Variants in CERS3 observed in about 807,000 individuals in gnomAD.
CERS3 encodes LAG1 homolog, ceramide synthase 3.
In CERS3, 33 loss-of-function variants were observed where a neutral mutation model predicts 50.3. The observed-to-expected ratio is 0.66, with a 90% confidence interval of 0.50 to 0.88. CERS3 has a LOEUF of 0.88. CERS3 is among the 40% of genes least tolerant of loss of function. CERS3 has a pLI of 0.00. For missense variants in CERS3, 470 were observed against 460.3 expected (o/e 1.02, Z -0.19); for synonymous variants, 176 against 155.2 (o/e 1.13, Z -0.99).
intron 3 of CERS3, among the ~76,000 whole-genome samples, chr15:100,497,426 T>A (rs72759154): frequency 0.052 from 7,962 of 152,104 alleles, 293 homozygotes; most frequent in Admixed American, 0.11. Context: ...TCCAACCTAG[T>A]AGCTGGAAAA....
chr15:100,420,057 C>T (rs2032293339), intron 11 of CERS3, among the ~76,000 whole-genome samples: 2 of 141,688 alleles, frequency 1.4e-5, no homozygotes, highest in Admixed American at 7.2e-5. Flanking sequence ...CAAAAGCTAG[C>T]AGAAGGCAAG....
intron 11 of CERS3, among the ~76,000 whole-genome samples, chr15:100,439,872 C>T (rs1418369099): frequency 6.6e-6 from 1 of 152,202 alleles, no homozygotes; most frequent in Non-Finnish European, 1.5e-5. Flanking sequence ...CAATTGGAAA[C>T]AGCTTCTCCA....
At chr15:100,449,250 C>A (rs1180117675) in intron 11 of CERS3, among the ~76,000 whole-genome samples, 1 of 152,256 alleles carries the variant, frequency 6.6e-6, no homozygotes, top group Non-Finnish European at 1.5e-5. Context: ...CACATGCAAC[C>A]TGCAGGCCTG....
rs1442729297 is a variant in CERS3, at chr15:100,484,541, C to A, written c.407+9G>T. 6.3e-7 allele frequency: 1 copy of A among 1,580,348 alleles called. No individual in the cohort carries two copies. The highest frequency in any genetic ancestry group is 8.7e-7 in the Non-Finnish European group (1 of 1,149,190). On this transcript the variant is annotated intron_variant, in intron 5 of 11. Coordinates refer to ENST00000679737, the MANE Select transcript of CERS3 (RefSeq NM_001378789.1). The stretch of plus-strand genomic sequence containing the variant: ...GCAGCATTCCTAAAGCTTGGCCCAT[C>A]CTCCTTACCAAGCTTCCTGGAATTT...
intron 11 of CERS3, among the ~76,000 whole-genome samples, chr15:100,450,517 G>GA (rs1460381261): frequency 6.7e-6 from 1 of 148,228 alleles, no homozygotes; most frequent in African/African-American, 2.5e-5. Context: ...TAAAAATAAA[G>GA]AAAAAAATGA....
intron 1 of CERS3, among the ~76,000 whole-genome samples, chr15:100,522,731 G>C (rs1195246760): frequency 2.2e-5 from 3 of 139,174 alleles, no homozygotes; most frequent in Non-Finnish European, 4.8e-5. Context: ...TGGAAATATG[G>C]GTTGTTTTGA....
intron 10 of CERS3, among the ~76,000 whole-genome samples, chr15:100,460,339 C>G (rs2034509480): frequency 6.6e-6 from 1 of 152,132 alleles, no homozygotes; most frequent in South Asian, 2.1e-4. Context: ...TAAAGTGCTA[C>G]CTGACACTTG....
intron 11 of CERS3, among the ~76,000 whole-genome samples, chr15:100,436,555 G>A (rs775534721): frequency 3.9e-5 from 6 of 152,052 alleles, no homozygotes; most frequent in Non-Finnish European, 7.4e-5. Context: ...GGGTTGATAG[G>A]TGCAGCAAAC....
intron 1 of CERS3, among the ~76,000 whole-genome samples, chr15:100,535,278 C>A (rs887858992): frequency 1.3e-5 from 2 of 152,132 alleles, no homozygotes; most frequent in African/African-American, 4.8e-5. Context: ...ATTTTGAGTA[C>A]AAGGATTGTG....
chr15:100,499,121 G>A (rs540224646), intron 3 of CERS3, among the ~76,000 whole-genome samples: 12 of 152,252 alleles, frequency 7.9e-5, no homozygotes, highest in South Asian at 2.1e-4. Flanking sequence ...GAATCTACTC[G>A]TGTATAATTA....
At chr15:100,483,787 A>ATTTTT (rs10622678) in intron 5 of CERS3, among the ~76,000 whole-genome samples, 1,418 of 99,930 alleles carry the variant, frequency 0.014, 77 homozygotes, top group African/African-American at 0.049. Flanking sequence ...TATTATTATT[A>ATTTTT]TTTTTTTTTT....
At chr15:100,541,687 C>G (rs150359001) in intron 1 of CERS3, among the ~76,000 whole-genome samples, 106 of 152,214 alleles carry the variant, frequency 7.0e-4, no homozygotes, top group Admixed American at 1.8e-3. Context: ...TTTGTTCAGA[C>G]AGATGACTCA....
At chr15:100,450,652 G>A (rs1328320440) in intron 11 of CERS3, among the ~76,000 whole-genome samples, 1 of 152,150 alleles carries the variant, frequency 6.6e-6, no homozygotes, top group Non-Finnish European at 1.5e-5. Flanking sequence ...CAAAATAATA[G>A]CTGAAGTGTT....
chr15:100,412,995 G>A (rs2031604718), intron 11 of CERS3, among the ~76,000 whole-genome samples: 1 of 152,064 alleles, frequency 6.6e-6, no homozygotes, highest in African/African-American at 2.4e-5. Context: ...TATACCATGT[G>A]ACTTTTGATA....
At chr15:100,522,951 G>A (rs1055572660) in intron 1 of CERS3, among the ~76,000 whole-genome samples, 2 of 152,198 alleles carry the variant, frequency 1.3e-5, no homozygotes, top group Admixed American at 6.5e-5. Flanking sequence ...TCCCAGTGAC[G>A]TATGAGAGTT....
At chr15:100,488,262 C>T (rs1457527489) in intron 4 of CERS3, among the ~76,000 whole-genome samples, 1 of 152,200 alleles carries the variant, frequency 6.6e-6, no homozygotes, top group Non-Finnish European at 1.5e-5. Flanking sequence ...TTTTGTTTTC[C>T]TGGTGCAGCC....
intron 4 of CERS3, among the ~76,000 whole-genome samples, 182 bp from the exon 5 acceptor site, chr15:100,484,850 C>CA (rs368157856): frequency 6.6e-6 from 1 of 152,112 alleles, no homozygotes; most frequent in African/African-American, 2.4e-5. Flanking sequence ...GCACACATAC[C>CA]AAAAAACAAA....
At chr15:100,407,998 A>C (rs113233244) in intron 11 of CERS3, among the ~76,000 whole-genome samples, 2,493 of 152,208 alleles carry the variant, frequency 0.016, 77 homozygotes, top group African/African-American at 0.056. Context: ...CAGCCCCCTG[A>C]GTAGCTGGGA....
chr15:100,467,850 T>TAGATAGATAGATAGATAGATAGATAG (rs1555528324), intron 10 of CERS3, among the ~76,000 whole-genome samples: 14 of 93,138 alleles, frequency 1.5e-4, no homozygotes, highest in Non-Finnish European at 2.3e-4. Context: ...TATATATATA[T>TAGATAGATAGATAGATAGATAGATAG]ATAGATAGAT....
Sources: gnomAD v4.1 joint callset for allele counts (sites outside exome capture counted in the v4.1 genomes callset) on GRCh38, gnomAD v4.1.1 for gene constraint, MANE v1.5 for transcripts, NCBI Gene and HGNC (gene_info 2026-07-23, HGNC 2026-07-21) for gene names.